Variants in PLEKHG4B observed in about 807,000 individuals in gnomAD.
PLEKHG4B encodes the protein pleckstrin homology and RhoGEF domain containing G4B.
Under a neutral mutation model 121.3 loss-of-function variants are expected in PLEKHG4B, and 111 were observed. The observed-to-expected ratio is 0.92, with a 90% CI of 0.78 to 1.07. The LOEUF is 1.07. Ranked by LOEUF, PLEKHG4B falls within the 50% of genes least tolerant of loss-of-function variation. PLEKHG4B has a pLI of 0.00. For synonymous variants in PLEKHG4B, 738 were observed against 725.0 expected (o/e 1.02, Z -0.29); for missense variants, 1,831 against 1,757.8 (o/e 1.04, Z -0.74).
chr5:176,077 G>A (rs1736752169), intron 18 of PLEKHG4B, among the ~76,000 whole-genome samples: 1 of 118,160 alleles, frequency 8.5e-6, no homozygotes, highest in Non-Finnish European at 2.1e-5. Flanking sequence ...ACACTCCGGA[G>A]CCAGCTCTGT....
At chr5:138,368 TGAG>T (rs1163700374) in intron 2 of PLEKHG4B, among the ~76,000 whole-genome samples, 10 of 152,318 alleles carry the variant, frequency 6.6e-5, no homozygotes, top group Admixed American at 1.3e-4. Context: ...TGGTAAAAGT[TGAG>T]GAACTTGTTT....
At chr5:114,526 C>T (rs1413960119) in intron 2 of PLEKHG4B, among the ~76,000 whole-genome samples, 5 of 152,168 alleles carry the variant, frequency 3.3e-5, no homozygotes, top group South Asian at 2.1e-4. Flanking sequence ...GGTGCAATCT[C>T]AGCTCACTGC....
rs1488149215 is a variant in PLEKHG4B at position 159,374 on chromosome 5, C to T, written c.2488-2409C>T. 2.0e-5 allele frequency among the ~76,000 whole-genome samples: 3 copies of T among 152,068 alleles called. No homozygotes were observed. The highest frequency in any genetic ancestry group is 2.9e-5 in the Non-Finnish European group (2 of 67,990). ...GTTCTGGGAATTCTGTGACATCCTT[C>T]GTGGCGCTCGCATTTCCCACAGCTC... On this transcript the variant is annotated intron_variant, in intron 11 of 19. Coordinates refer to ENST00000637938, the MANE Select transcript of PLEKHG4B (RefSeq NM_052909.5). This position sits in a 1 kb window ranked among gnomAD's most constrained non-coding sequence, Gnocchi z 5.5.
chr5:174,627 A>G (rs898159180), intron 18 of PLEKHG4B, among the ~76,000 whole-genome samples: 3 of 152,152 alleles, frequency 2.0e-5, no homozygotes, highest in Non-Finnish European at 4.4e-5. Flanking sequence ...GGCCATTTGT[A>G]TAGGCACGGT....
intron 8 of PLEKHG4B, 145 bp downstream of exon 8, chr5:155,136 C>T: frequency 1.1e-6 from 1 of 872,112 alleles, no homozygotes; most frequent in South Asian, 1.6e-5. Context: ...CGTGTCTACA[C>T]AACCACGCCG....
chr5:111,999 T>C (rs977632877), intron 1 of PLEKHG4B, among the ~76,000 whole-genome samples: 8 of 152,136 alleles, frequency 5.3e-5, no homozygotes, highest in African/African-American at 1.9e-4. Flanking sequence ...GGACTATGTG[T>C]TTGCTGTGTG....
At chr5:162,318 C>T (rs1736042381) in intron 12 of PLEKHG4B, among the ~76,000 whole-genome samples, 3 of 152,112 alleles carry the variant, frequency 2.0e-5, no homozygotes, top group Non-Finnish European at 2.9e-5. Flanking sequence ...CCGGGGACTG[C>T]CTGCCATTAG....
At chr5:148,962 A>G (rs1388631889) in intron 6 of PLEKHG4B, among the ~76,000 whole-genome samples, 5 of 152,220 alleles carry the variant, frequency 3.3e-5, no homozygotes, top group South Asian at 2.1e-4. Flanking sequence ...AGACCATTCA[A>G]TGGAGAAAGG....
chr5:98,603 T>TTGTGTGTGTGTGTGTG (rs35724214), intron 1 of PLEKHG4B, among the ~76,000 whole-genome samples: 1 of 111,546 alleles, frequency 9.0e-6, no homozygotes, highest in African/African-American at 3.9e-5. Context: ...CCTGGCTAAT[T>TTGTGTGTGTGTGTGTG]TGTGTGTGTG....
At chr5:166,795 T>C (rs1736368003) in intron 13 of PLEKHG4B, among the ~76,000 whole-genome samples, 1 of 152,218 alleles carries the variant, frequency 6.6e-6, no homozygotes. Flanking sequence ...AAGAACACTC[T>C]TCTGAAACAC....
chr5:162,085 A>T, intron 12 of PLEKHG4B, 141 bp downstream of exon 12: 1 of 1,103,782 alleles, frequency 9.1e-7, no homozygotes, highest in Non-Finnish European at 1.3e-6. Flanking sequence ...CCCCCTGGCC[A>T]CTGCGCCCAC....
intron 5 of PLEKHG4B, among the ~76,000 whole-genome samples, chr5:144,367 C>G (rs1735333831): frequency 6.6e-6 from 1 of 152,188 alleles, no homozygotes; most frequent in Admixed American, 6.5e-5. Context: ...TTCTAACAGT[C>G]TTAGCTTGGC....
chr5:156,232 G>T lies in PLEKHG4B; in HGVS notation c.2348+22G>T. ...GCCGGTGAGCGCTCACAGGGGTCAT[G>T]CTGGGCCCTGGCCCATCGAGGGAGC... On this transcript the variant is annotated intron_variant, in intron 10 of 19. Coordinates refer to ENST00000637938, the MANE Select transcript of PLEKHG4B (RefSeq NM_052909.5). The surrounding 1 kb of genome is among the most constrained non-coding windows in gnomAD (Gnocchi z 4.4). 6.8e-7 allele frequency: 1 copy of T among 1,470,398 alleles called. No individual in the cohort carries two copies. Among genetic ancestry groups the T allele is most frequent in the Admixed American group, 2.2e-5 (1 of 46,048 alleles). 91.1% of individuals were successfully genotyped at this position (1,470,398 alleles called of 1,614,324 possible). A position where few individuals can be genotyped will look rare whatever the true frequency, so the allele number is the denominator to read the frequency against.
rs3853520 is a variant in PLEKHG4B, at chr5:157,741, C to T, written c.2487+830C>T. ...GTTTCTTTCTTTTCTCACATATAAA[C>T]TCTTCAAAACTTGCACATTTTTATA... On this transcript the variant is annotated intron_variant, in intron 11 of 19. Transcript: ENST00000637938. This position sits in a 1 kb window ranked among gnomAD's most constrained non-coding sequence, Gnocchi z 4.6. 0.19 allele frequency among the ~76,000 whole-genome samples: 28,339 copies of T among 152,150 alleles called. 3,637 individuals are homozygous for T. The highest frequency in any genetic ancestry group is 0.36 in the African/African-American group (14,956 of 41,472).
At chr5:161,729 G>A (rs1736007828) in intron 11 of PLEKHG4B, 54 bp from the exon 12 acceptor site, 1 of 1,612,048 alleles carries the variant, frequency 6.2e-7, no homozygotes, top group East Asian at 2.2e-5. Context: ...CACACCTGGA[G>A]ACATGAACGT....
chr5:153,881 G>T (rs1735680261), intron 7 of PLEKHG4B, among the ~76,000 whole-genome samples: 1 of 152,080 alleles, frequency 6.6e-6, no homozygotes, highest in South Asian at 2.1e-4. Context: ...GTACAGATGG[G>T]GGTTTTGTCC....
chr5:140,525 C>T lies in PLEKHG4B; in HGVS notation c.1286C>T (p.Ala429Val). The part of the protein sequence containing the change: ...HTPSRTGPGA[A>V]GRTLPRRSRS... ...CCCAGCCGGACAGGTCCAGGAGCTG[C>T]AGGGCGGACTCTTCCCAGGAGATCT... The change falls in exon 3 of 20, where the codon GCA becomes GTA. Residue 429 changes from alanine (A) to valine (V), a missense_variant. Transcript: ENST00000637938. 6.3e-7 allele frequency: 1 copy of T among 1,598,774 alleles called. No individual in the cohort carries two copies. The highest frequency in any genetic ancestry group is 8.5e-7 in the Non-Finnish European group (1 of 1,173,152).
At chr5:162,271 ACGCGCCCCAGACCGCACGCCTGCGAGCTC>A (rs1736038568) in intron 12 of PLEKHG4B, among the ~76,000 whole-genome samples, 1 of 71,270 alleles carries the variant, frequency 1.4e-5, no homozygotes, top group African/African-American at 6.1e-5. Flanking sequence ...GCGAGCTCCC[ACGCGCCCCAGACCGCACGCCTGCGAGCTC>A]CCCCGCGCCG....
chr5:112,857 A>G (rs1005880084), intron 1 of PLEKHG4B, among the ~76,000 whole-genome samples: 1 of 152,020 alleles, frequency 6.6e-6, no homozygotes, highest in Non-Finnish European at 1.5e-5. Flanking sequence ...CTCCCGCAGG[A>G]CTCACAGCCC....
Sources: gnomAD v4.1 joint callset for allele counts (sites outside exome capture counted in the v4.1 genomes callset) on GRCh38, gnomAD v4.1.1 for gene constraint, Gnocchi (gnomAD v3.1) non-coding constraint, MANE v1.5 for transcripts, NCBI Gene and HGNC (gene_info 2026-07-23, HGNC 2026-07-21) for gene names.